WNT2: variants seen among roughly 807,000 people sequenced by gnomAD.
WNT2 encodes the protein protein Wnt-2.
WNT2 carries 12 observed loss-of-function variants against 36.9 expected under a neutral mutation model. That is an observed-to-expected ratio of 0.33 (90% CI 0.21 to 0.53). The LOEUF is 0.53. Among genes scored for constraint, WNT2 ranks in the 20% least tolerant of loss-of-function variants. The pLI, the probability that WNT2 is intolerant of heterozygous loss-of-function variation, is 0.95. For missense variants in WNT2, 379 were observed against 473.1 expected (o/e 0.80, Z 1.84); for synonymous variants, 163 against 174.6 (o/e 0.93, Z 0.52).
chr7:117,313,493 T>C (rs977185761), intron 3 of WNT2, among the ~76,000 whole-genome samples: 1 of 152,252 alleles, frequency 6.6e-6, no homozygotes, highest in Non-Finnish European at 1.5e-5. Flanking sequence ...GCCTAAAATA[T>C]AATAGCTATG....
rs1358357289 is a variant in WNT2, at chr7:117,276,581, G to A, written c.*1574C>T. 1.3e-5 allele frequency: 2 copies of A among 152,208 alleles called. No individual in the cohort carries two copies. The highest frequency in any genetic ancestry group is 4.8e-5 in the African/African-American group (2 of 41,444). The allele number at this position is 152,208 out of a possible 1,614,324, so 9.4% of individuals were successfully genotyped here. A position where few individuals can be genotyped will look rare whatever the true frequency, so the allele number is the denominator to read the frequency against. On this transcript the variant is annotated 3_prime_UTR_variant, in exon 5 of 5. Coordinates refer to ENST00000265441, the MANE Select transcript of WNT2 (RefSeq NM_003391.3). ...AGTAGGTTGTTTTGTACGAGTCTCA[G>A]TCTAAATGACCTTACTGTATGGTAT...
At chr7:117,296,093 A>G (rs935776993) in intron 4 of WNT2, among the ~76,000 whole-genome samples, 2 of 152,176 alleles carry the variant, frequency 1.3e-5, no homozygotes, top group Non-Finnish European at 2.9e-5. Flanking sequence ...GCTCAGTGTG[A>G]GGAGGCTGAG....
Position 117,315,116 on chromosome 7 carries a change from A to T in WNT2, c.543T>A (p.Asp181Glu). The T allele has an allele frequency of 6.2e-7, 1 of 1,614,176 alleles. No homozygotes were observed. The change falls in exon 3 of 5, where the codon GAT becomes GAA. Residue 181 changes from aspartate (D) to glutamate (E), a missense_variant. Transcript: ENST00000265441. ...TGTGAAGATTCATCAGGGCTCTGGC[A>T]TCCTTTCCTTTCCTTTCCTTTGCAT... ...FVDAKERKGK[D>E]ARALMNLHNN...
rs879089466 is a variant in WNT2 at position 117,315,123 on chromosome 7, C to T, written c.536G>A (p.Gly179Glu). 1 of 1,614,230 alleles carries T rather than the reference C, an allele frequency of 6.2e-7. No individual in the cohort carries two copies. Among genetic ancestry groups the T allele is most frequent in the South Asian group, 1.1e-5 (1 of 91,086 alleles). ...ATTCATCAGGGCTCTGGCATCCTTT[C>T]CTTTCCTTTCCTTTGCATCCACAAA... The part of the protein sequence containing the change: ...RAFVDAKERK[G>E]KDARALMNLH... The change falls in exon 3 of 5, where the codon GGA becomes GAA. Residue 179 changes from glycine to glutamate, a missense_variant. By Grantham distance (98) the Gly-to-Glu change is moderately conservative. Coordinates refer to ENST00000265441, the MANE Select transcript of WNT2 (RefSeq NM_003391.3).
chr7:117,320,520 G>T, intron 2 of WNT2, 47 bp downstream of exon 2: 1 of 1,546,538 alleles, frequency 6.5e-7, no homozygotes, highest in Non-Finnish European at 8.9e-7. Flanking sequence ...TGAGGGAGCT[G>T]TGCATGAGTG....
intron 3 of WNT2, among the ~76,000 whole-genome samples, chr7:117,298,726 C>T (rs964707269): frequency 6.6e-6 from 1 of 152,152 alleles, no homozygotes; most frequent in African/African-American, 2.4e-5. Context: ...CAGCACTTTC[C>T]CCAAAGCAAT....
chr7:117,305,127 C>T (rs920369503), intron 3 of WNT2, among the ~76,000 whole-genome samples: 3 of 152,116 alleles, frequency 2.0e-5, no homozygotes. Context: ...CTCGGGAGCA[C>T]CGTGCTTCCA....
In WNT2 at chr7:117,301,980, T is replaced by C. The variant is rs182206982; in HGVS notation, c.589-4104A>G. On this transcript the variant is annotated intron_variant, in intron 3 of 4. Coordinates refer to ENST00000265441, the MANE Select transcript of WNT2 (RefSeq NM_003391.3). ...ATGCCACCACGCCTTGCTATTTTTT[T>C]GTATTTTTAGTAGAGACGGGGTTTC... 3.9e-5 allele frequency among the ~76,000 whole-genome samples: 6 copies of C among 152,114 alleles called. No individual in the cohort carries two copies. In the East Asian group the frequency reaches 9.7e-4, roughly 25 times the overall value.
rs1378124035 is a variant in WNT2 at position 117,323,042 on chromosome 7, G to A, written c.-53C>T. On this transcript the variant is annotated 5_prime_UTR_variant, in exon 1 of 5. In the 5' UTR this introduces an upstream ATG that the reference lacks. Coordinates refer to ENST00000265441, the MANE Select transcript of WNT2 (RefSeq NM_003391.3). The stretch of plus-strand genomic sequence containing the variant: ...CAGACTCCGTGTGCGGGCGCCATGC[G>A]TGCCCAGAGCAGAAGCGCTCAGCTC... The A allele has an allele frequency of 1.3e-6, 2 of 1,524,274 alleles. No homozygotes were observed. The highest frequency in any genetic ancestry group is 1.9e-5 in the Admixed American group (1 of 52,208). 94.4% of individuals were successfully genotyped at this position (1,524,274 alleles called of 1,614,324 possible). A position where few individuals can be genotyped will look rare whatever the true frequency, so the allele number is the denominator to read the frequency against.
chr7:117,303,941 C>T (rs746212708), intron 3 of WNT2, among the ~76,000 whole-genome samples: 9 of 152,224 alleles, frequency 5.9e-5, no homozygotes, highest in Admixed American at 1.3e-4. Context: ...CCACAGTCTT[C>T]CGTCCTCTTG....
chr7:117,289,582 G>A (rs1318751422), intron 4 of WNT2, among the ~76,000 whole-genome samples: 3 of 152,168 alleles, frequency 2.0e-5, no homozygotes, highest in East Asian at 1.9e-4. Context: ...ATGAAGCAGC[G>A]CTAACACACA....
chr7:117,322,536 T>TACACACACACACACACACACACACAC lies in WNT2; in HGVS notation c.83+345_83+370dup, dbSNP rs144898264. Among the ~76,000 whole-genome samples, 5 of 127,906 alleles carry TACACACACACACACACACACACACAC rather than the reference T, an allele frequency of 3.9e-5. No individual in the cohort carries two copies. Among genetic ancestry groups the TACACACACACACACACACACACACAC allele is most frequent in the African/African-American group, 1.6e-4 (5 of 32,104 alleles). The allele number at this position is 127,906 out of a possible 152,430, so 83.9% of individuals were successfully genotyped here. ...GCGGTTGTAGTTTTCAAGGTGAATT[T>TACACACACACACACACACACACACAC]ACACACACACACACACACACACACA... On this transcript the variant is annotated intron_variant, in intron 1 of 4. Coordinates refer to ENST00000265441, the MANE Select transcript of WNT2 (RefSeq NM_003391.3). The surrounding 1 kb of genome is among the most constrained non-coding windows in gnomAD (Gnocchi z 5.4).
intron 3 of WNT2, 71 bp from the exon 4 acceptor site, chr7:117,297,947 C>G (rs914628830): frequency 6.6e-7 from 1 of 1,518,980 alleles, no homozygotes; most frequent in African/African-American, 1.4e-5. Context: ...CTCCTTACCT[C>G]CCAGCAATCC....
chr7:117,299,905 A>T (rs770085496), intron 3 of WNT2, among the ~76,000 whole-genome samples: 17 of 152,250 alleles, frequency 1.1e-4, no homozygotes, highest in Non-Finnish European at 5.9e-5. Flanking sequence ...GATCTTAAAA[A>T]TAACATTATA....
At chr7:117,288,760 G>A (rs1048984995) in intron 4 of WNT2, among the ~76,000 whole-genome samples, 1 of 151,686 alleles carries the variant, frequency 6.6e-6, no homozygotes, top group Admixed American at 6.6e-5. Context: ...AATTCAATCT[G>A]ATTACCACTG....
At chr7:117,302,412 C>A (rs1177672947) in intron 3 of WNT2, among the ~76,000 whole-genome samples, 1 of 152,130 alleles carries the variant, frequency 6.6e-6, no homozygotes, top group Admixed American at 6.5e-5. Context: ...AGTAAAAAGA[C>A]TGATAATGTT....
Position 117,296,201 on chromosome 7 carries a change from G to A in WNT2, c.853+1411C>T, listed in dbSNP as rs150083054. ...GGTGATTTGGCTATAACTTTGGCCT[G>A]ACAGGTAGGATGACTTGTTAGAGGT... On this transcript the variant is annotated intron_variant, in intron 4 of 4. Transcript: ENST00000265441. Among the ~76,000 whole-genome samples the A allele has an allele frequency of 1.3e-4, 20 of 152,322 alleles. No individual in the cohort carries two copies. The East Asian group carries it at 3.5e-3, about 26-fold the overall frequency.
chr7:117,297,178 G>A (rs1285701868), intron 4 of WNT2, among the ~76,000 whole-genome samples: 1 of 152,148 alleles, frequency 6.6e-6, no homozygotes, highest in African/African-American at 2.4e-5. Flanking sequence ...TCCAGAATCT[G>A]TGCACTGTCA....
At chr7:117,299,233 C>T (rs114167782) in intron 3 of WNT2, among the ~76,000 whole-genome samples, 4,407 of 152,234 alleles carry the variant, frequency 0.029, 102 homozygotes, top group Non-Finnish European at 0.025. Flanking sequence ...CAGGCCTCTG[C>T]CACAGACACA....
Sources: allele counts gnomAD v4.1 joint callset (sites outside exome capture counted in the v4.1 genomes callset), GRCh38; gene constraint gnomAD v4.1.1; non-coding constraint Gnocchi (gnomAD v3.1); transcripts MANE v1.5; gene names NCBI Gene and HGNC (gene_info 2026-07-23, HGNC 2026-07-21).